Variants in FOCAD observed in about 807,000 individuals in gnomAD.
The protein encoded by FOCAD is focadhesin.
A neutral mutation model predicts 225.6 loss-of-function variants in FOCAD; 198 were observed. The ratio of observed to expected loss-of-function variants is 0.88; its 90% CI spans 0.78 to 0.99. The LOEUF is 0.99. Among genes scored for constraint, FOCAD ranks in the 50% least tolerant of loss-of-function variants. The pLI is 0.00. For synonymous variants in FOCAD, 897 were observed against 755.0 expected, an observed-to-expected ratio of 1.19 and a Z score of -3.08; for missense variants, 2,713 against 2,123.6, an observed-to-expected ratio of 1.28 and a Z score of -5.46.
intron 8 of FOCAD, among the ~76,000 whole-genome samples, chr9:20,776,549 T>G (rs545065507): frequency 6.6e-6 from 1 of 152,356 alleles, no homozygotes; most frequent in Non-Finnish European, 1.5e-5. Context: ...CTTTTCCTTA[T>G]TTTTGATCTT....
chr9:20,740,654 T>C (rs1266567410), intron 5 of FOCAD, among the ~76,000 whole-genome samples: 2 of 152,172 alleles, frequency 1.3e-5, no homozygotes, highest in Non-Finnish European at 2.9e-5. Flanking sequence ...AATGGAAGAC[T>C]TCATTGAACA....
In FOCAD at chr9:20,819,876, T is replaced by C; in HGVS notation, c.1536T>C (p.Thr512=). 1 of 1,545,232 alleles carries C rather than the reference T, an allele frequency of 6.5e-7. No homozygotes were observed. The highest frequency in any genetic ancestry group is 8.7e-7 in the Non-Finnish European group (1 of 1,147,810). Residue 512 remains threonine, a synonymous_variant, in exon 12 of 44, where the codon ACT becomes ACC. Coordinates refer to ENST00000338382, the MANE Select transcript of FOCAD (RefSeq NM_001375567.1). The stretch of plus-strand genomic sequence containing the variant: ...TATTATATAATGATATATTGTATAC[T>C]TTACCTAAGCTTGGTGTTCACAAGG... ...EPILYNDILY[T]LPKLGVHKVC...
chr9:20,662,647 TG>T (rs1167195806), intron 2 of FOCAD, among the ~76,000 whole-genome samples: 1 of 151,898 alleles, frequency 6.6e-6, no homozygotes. Context: ...TTTTTAGAGG[TG>T]GGGGTCTCAT....
intron 24 of FOCAD, among the ~76,000 whole-genome samples, chr9:20,919,226 A>G (rs1834151822): frequency 6.6e-6 from 1 of 152,234 alleles, no homozygotes; most frequent in South Asian, 2.1e-4. Context: ...TGCTTCAAAG[A>G]GAATAAAATA....
chr9:20,675,313 A>T (rs1347392640), intron 2 of FOCAD, among the ~76,000 whole-genome samples: 1 of 152,252 alleles, frequency 6.6e-6, no homozygotes, highest in Non-Finnish European at 1.5e-5. Flanking sequence ...ATAAAAATAT[A>T]TACCAGAGCA....
chr9:20,739,585 A>G (rs1049424657), intron 4 of FOCAD, among the ~76,000 whole-genome samples: 2 of 151,876 alleles, frequency 1.3e-5, no homozygotes, highest in Non-Finnish European at 2.9e-5. Flanking sequence ...GCTGGGCAAC[A>G]AGAGTGAAAC....
intron 43 of FOCAD, among the ~76,000 whole-genome samples, chr9:20,995,055 A>C: frequency 6.6e-6 from 1 of 152,200 alleles, no homozygotes; most frequent in East Asian, 1.9e-4. Context: ...GTGACAGATC[A>C]GAAATAGTTT....
At chr9:20,744,050 G>A (rs1447199756) in intron 5 of FOCAD, among the ~76,000 whole-genome samples, 1 of 152,200 alleles carries the variant, frequency 6.6e-6, no homozygotes, top group African/African-American at 2.4e-5. Flanking sequence ...AAGAGAGCAA[G>A]CCAACTTTGG....
At chr9:20,740,532 G>A (rs1336802314) in intron 5 of FOCAD, among the ~76,000 whole-genome samples, 192 bp downstream of exon 5, 1 of 152,128 alleles carries the variant, frequency 6.6e-6, no homozygotes, top group Non-Finnish European at 1.5e-5. Context: ...GACAAGATGA[G>A]TATCACCAAT....
At chr9:20,908,101 A>T (rs1833136412) in intron 22 of FOCAD, among the ~76,000 whole-genome samples, 1 of 152,118 alleles carries the variant, frequency 6.6e-6, no homozygotes, top group Non-Finnish European at 1.5e-5. Flanking sequence ...AAATAATTTT[A>T]ATCAGTTGGG....
intron 8 of FOCAD, among the ~76,000 whole-genome samples, chr9:20,773,723 AG>A (rs1305283225): frequency 6.6e-6 from 1 of 152,038 alleles, no homozygotes; most frequent in African/African-American, 2.4e-5. Context: ...TGATCTTTTA[AG>A]TGTCTTTCCA....
intron 42 of FOCAD, among the ~76,000 whole-genome samples, chr9:20,992,870 G>A (rs1294002106): frequency 6.6e-6 from 1 of 152,098 alleles, no homozygotes; most frequent in Non-Finnish European, 1.5e-5. Context: ...GGCTGAGGCA[G>A]GAGAATCACT....
intron 8 of FOCAD, among the ~76,000 whole-genome samples, chr9:20,774,512 T>G (rs1818564594): frequency 6.6e-6 from 1 of 152,196 alleles, no homozygotes; most frequent in Admixed American, 6.5e-5. Context: ...TAGTTGGTTA[T>G]CCAGTGGTAA....
At chr9:20,655,988 G>A (rs1488855649), upstream of FOCAD, among the ~76,000 whole-genome samples, 8 of 152,074 alleles carry the variant, frequency 5.3e-5, no homozygotes, top group South Asian at 4.2e-4. Flanking sequence ...CTTTGTTCTC[G>A]TTGTTTTCAA....
At chr9:20,915,798 G>T (rs1281096188) in intron 23 of FOCAD, among the ~76,000 whole-genome samples, 1 of 151,998 alleles carries the variant, frequency 6.6e-6, no homozygotes, top group Non-Finnish European at 1.5e-5. Context: ...AGAGAGGAGG[G>T]AGTAGAGAGG....
intron 1 of FOCAD, among the ~76,000 whole-genome samples, chr9:20,691,818 G>A (rs1822998030): frequency 1.3e-5 from 2 of 151,702 alleles, no homozygotes; most frequent in Admixed American, 6.6e-5. Flanking sequence ...CTGTCACCCA[G>A]GCTGGAGTGC....
intron 8 of FOCAD, among the ~76,000 whole-genome samples, chr9:20,773,529 C>G (rs565867949): frequency 2.4e-4 from 37 of 152,140 alleles, no homozygotes; most frequent in Non-Finnish European, 3.1e-4. Flanking sequence ...TCACACAGCT[C>G]AAGAAATAGA....
At chr9:20,974,915 GCCTCTGCTTCTCCTTCTT>G (rs1840099428) in intron 35 of FOCAD, among the ~76,000 whole-genome samples, 1 of 151,998 alleles carries the variant, frequency 6.6e-6, no homozygotes, top group Non-Finnish European at 1.5e-5. Context: ...TGATGATTTT[GCCTCTGCTTCTCCTTCTT>G]CCTATGCTTC....
At chr9:20,718,646 T>C (rs947918510) in intron 3 of FOCAD, among the ~76,000 whole-genome samples, 3 of 152,250 alleles carry the variant, frequency 2.0e-5, no homozygotes, top group Admixed American at 6.5e-5. Context: ...GGCATTTTTC[T>C]GGTGTTTGTA....
Sources: gnomAD v4.1 joint callset for allele counts (sites outside exome capture counted in the v4.1 genomes callset) on GRCh38, gnomAD v4.1.1 for gene constraint, MANE v1.5 for transcripts, NCBI Gene and HGNC (gene_info 2026-07-23, HGNC 2026-07-21) for gene names.